SGCZ: variants seen among roughly 807,000 people sequenced by gnomAD.
The protein encoded by SGCZ is sarcoglycan zeta.
SGCZ carries 40 observed loss-of-function variants against 41.3 expected under a neutral mutation model. That is an observed-to-expected ratio of 0.97 (90% CI 0.75 to 1.26). The LOEUF (loss-of-function observed/expected upper bound fraction) is 1.26, where lower values mean the gene tolerates loss of function less well. Ranked by LOEUF, SGCZ falls within the 50% of genes most tolerant of loss-of-function variation. The pLI is 0.00. For synonymous variants in SGCZ, 206 were observed against 137.5 expected (o/e 1.50, Z -3.49); for missense variants, 552 against 369.8 (o/e 1.49, Z -4.04).
intron 2 of SGCZ, among the ~76,000 whole-genome samples, chr8:14,451,571 A>C (rs1563338250): frequency 1.3e-5 from 2 of 152,194 alleles, no homozygotes; most frequent in Non-Finnish European, 2.9e-5. Context: ...AAACTGGGAG[A>C]AAGTATTTGC....
At chr8:15,209,465 A>T (rs2117155295) in intron 1 of SGCZ, among the ~76,000 whole-genome samples, 1 of 140,926 alleles carries the variant, frequency 7.1e-6, no homozygotes, top group African/African-American at 2.6e-5. Context: ...GTTACGTGTC[A>T]GCATAATAGT....
At chr8:14,353,120 G>A (rs543063412) in intron 2 of SGCZ, among the ~76,000 whole-genome samples, 5 of 151,940 alleles carry the variant, frequency 3.3e-5, no homozygotes, top group African/African-American at 1.2e-4. Flanking sequence ...CTATGACCTT[G>A]GGCAAGTTAC....
intron 1 of SGCZ, among the ~76,000 whole-genome samples, chr8:15,230,659 T>C (rs1365774300): frequency 6.6e-6 from 1 of 152,194 alleles, no homozygotes; most frequent in Non-Finnish European, 1.5e-5. Flanking sequence ...CGAGATCAAC[T>C]GGTTGTGAGG....
At chr8:14,303,207 G>C (rs1031143615) in intron 3 of SGCZ, among the ~76,000 whole-genome samples, 2 of 152,046 alleles carry the variant, frequency 1.3e-5, no homozygotes, top group Non-Finnish European at 2.9e-5. Flanking sequence ...GCACCTCAAC[G>C]CATCCTTAAA....
intron 1 of SGCZ, among the ~76,000 whole-genome samples, chr8:14,989,145 G>A (rs1368788283): frequency 6.6e-6 from 1 of 152,120 alleles, no homozygotes; most frequent in Non-Finnish European, 1.5e-5. Flanking sequence ...GATTCCCAGA[G>A]GAGAAGGGTC....
chr8:14,759,920 G>C (rs1799807700), intron 1 of SGCZ, among the ~76,000 whole-genome samples: 1 of 152,076 alleles, frequency 6.6e-6, no homozygotes, highest in Admixed American at 6.6e-5. Flanking sequence ...CTAAAACTTG[G>C]CTCTGGGACA....
chr8:14,525,317 T>C (rs1802914083), intron 2 of SGCZ, among the ~76,000 whole-genome samples: 1 of 152,122 alleles, frequency 6.6e-6, no homozygotes, highest in South Asian at 2.1e-4. Flanking sequence ...AGATAGATAT[T>C]CCTGTCATCC....
chr8:14,616,881 CT>C (rs1204900344), intron 1 of SGCZ, among the ~76,000 whole-genome samples: 1 of 152,100 alleles, frequency 6.6e-6, no homozygotes, highest in African/African-American at 2.4e-5. Flanking sequence ...CCTTAAGGAA[CT>C]TAAAAATTTA....
intron 1 of SGCZ, among the ~76,000 whole-genome samples, chr8:14,911,773 T>C: frequency 6.6e-6 from 1 of 151,928 alleles, no homozygotes; most frequent in East Asian, 1.9e-4. Context: ...CCTCTTTCAA[T>C]CTATTCCTTT....
intron 6 of SGCZ, 55 bp downstream of exon 6, chr8:14,108,108 A>T: frequency 6.7e-7 from 1 of 1,494,214 alleles, no homozygotes; most frequent in Non-Finnish European, 9.3e-7. Context: ...TTCATATATT[A>T]AGGATTATCA....
chr8:15,124,776 A>G (rs1807617474), intron 1 of SGCZ, among the ~76,000 whole-genome samples: 1 of 152,216 alleles, frequency 6.6e-6, no homozygotes, highest in African/African-American at 2.4e-5. Flanking sequence ...AAACAACGTG[A>G]TTGCATTTTT....
At chr8:14,517,480 G>C (rs1251602082) in intron 2 of SGCZ, among the ~76,000 whole-genome samples, 1 of 152,070 alleles carries the variant, frequency 6.6e-6, no homozygotes. Flanking sequence ...TCGTAAGGTA[G>C]AGTCATTTTA....
intron 3 of SGCZ, among the ~76,000 whole-genome samples, chr8:14,299,922 C>T (rs1394204735): frequency 2.0e-5 from 3 of 151,920 alleles, no homozygotes; most frequent in Non-Finnish European, 4.4e-5. Flanking sequence ...ATAAGTACTG[C>T]ATTGCTGAAT....
At chr8:15,226,932 A>G (rs1335851641) in intron 1 of SGCZ, among the ~76,000 whole-genome samples, 1 of 152,192 alleles carries the variant, frequency 6.6e-6, no homozygotes, top group Non-Finnish European at 1.5e-5. Flanking sequence ...TCCAGCTTGG[A>G]TGACAAAATG....
intron 4 of SGCZ, among the ~76,000 whole-genome samples, chr8:14,232,853 T>G (rs181240932): frequency 5.9e-5 from 9 of 152,174 alleles, no homozygotes; most frequent in African/African-American, 1.9e-4. Flanking sequence ...AAGATCCTAT[T>G]TAAAGCATAA....
chr8:14,305,423 T>C (rs1801319197), intron 3 of SGCZ, among the ~76,000 whole-genome samples: 1 of 152,086 alleles, frequency 6.6e-6, no homozygotes, highest in Non-Finnish European at 1.5e-5. Flanking sequence ...CTCAATGAGG[T>C]TTCATGAGGT....
At chr8:14,683,602 AT>A (rs1808515234) in intron 1 of SGCZ, among the ~76,000 whole-genome samples, 1 of 152,124 alleles carries the variant, frequency 6.6e-6, no homozygotes, top group Non-Finnish European at 1.5e-5. Context: ...CAAGATTCTT[AT>A]TTTCCCAGAT....
intron 1 of SGCZ, among the ~76,000 whole-genome samples, chr8:14,871,824 GTATA>G (rs111251530): frequency 6.8e-6 from 1 of 147,642 alleles, no homozygotes; most frequent in African/African-American, 2.5e-5. Context: ...ATATGTGTGT[GTATA>G]TATATATATA....
At chr8:15,117,232 G>A (rs760733109) in intron 1 of SGCZ, among the ~76,000 whole-genome samples, 1 of 151,986 alleles carries the variant, frequency 6.6e-6, no homozygotes, top group Admixed American at 6.6e-5. Context: ...GGTAGCAGGC[G>A]CCTGTAGTCC....
Sources: gnomAD v4.1 joint callset for allele counts (sites outside exome capture counted in the v4.1 genomes callset) on GRCh38, gnomAD v4.1.1 for gene constraint, MANE v1.5 for transcripts, NCBI Gene and HGNC (gene_info 2026-07-23, HGNC 2026-07-21) for gene names.